The following SCAPER variants were observed in gnomAD, a reference collection of about 807,000 sequenced individuals.
SCAPER encodes the protein S-phase cyclin A associated protein in the ER, also known as S phase cyclin A-associated protein in the endoplasmic reticulum.
Under a neutral mutation model 182.2 loss-of-function variants are expected in SCAPER, and 98 were observed. The observed-to-expected ratio is 0.54, with a 90% confidence interval of 0.46 to 0.64. The LOEUF is 0.64. SCAPER is among the 30% of genes least tolerant of loss of function. The pLI is 0.00. For missense variants in SCAPER, 1,432 were observed against 1,690.0 expected, an observed-to-expected ratio of 0.85 and a Z score of 2.68; for synonymous variants, 605 against 564.6, an observed-to-expected ratio of 1.07 and a Z score of -1.01.
chr15:76,802,416 C>T (rs2065864762), intron 6 of SCAPER, among the ~76,000 whole-genome samples: 1 of 152,092 alleles, frequency 6.6e-6, no homozygotes, highest in African/African-American at 2.4e-5. Flanking sequence ...TTGGTTCAAC[C>T]CAGTGAAAGA....
intron 15 of SCAPER, among the ~76,000 whole-genome samples, chr15:76,737,452 T>C (rs1202375764): frequency 6.6e-6 from 1 of 152,258 alleles, no homozygotes; most frequent in Non-Finnish European, 1.5e-5. Context: ...ACAGATGTGC[T>C]GTCACGCCAG....
chr15:76,524,539 T>C (rs955839108), intron 23 of SCAPER, among the ~76,000 whole-genome samples: 3 of 152,200 alleles, frequency 2.0e-5, no homozygotes, highest in Middle Eastern at 3.4e-3. Flanking sequence ...ACTTAATATT[T>C]ACATCTTACT....
At chr15:76,427,692 T>TA (rs1341987068) in intron 26 of SCAPER, among the ~76,000 whole-genome samples, 1 of 151,732 alleles carries the variant, frequency 6.6e-6, no homozygotes, top group Admixed American at 6.6e-5. Flanking sequence ...TAAAAAAAAT[T>TA]AAAAAATTAG....
At chr15:76,458,441 T>C (rs1244516031) in intron 25 of SCAPER, among the ~76,000 whole-genome samples, 1 of 152,056 alleles carries the variant, frequency 6.6e-6, no homozygotes, top group Non-Finnish European at 1.5e-5. Flanking sequence ...TACACATATA[T>C]ACACACACCC....
At chr15:76,631,716 C>T (rs890548159) in intron 21 of SCAPER, among the ~76,000 whole-genome samples, 1 of 152,040 alleles carries the variant, frequency 6.6e-6, no homozygotes, top group African/African-American at 2.4e-5. Flanking sequence ...CTGCCCTTAA[C>T]ATATTTTCCT....
At chr15:76,790,329 G>T in intron 8 of SCAPER, among the ~76,000 whole-genome samples, 1 of 151,980 alleles carries the variant, frequency 6.6e-6, no homozygotes, top group East Asian at 1.9e-4. Flanking sequence ...TTAAAACATG[G>T]TCCTCTTTTT....
At chr15:76,706,442 C>T (rs1328505784) in intron 17 of SCAPER, among the ~76,000 whole-genome samples, 1 of 152,024 alleles carries the variant, frequency 6.6e-6, no homozygotes, top group East Asian at 1.9e-4. Flanking sequence ...AACTAATAAG[C>T]AAGGTGATTC....
At chr15:76,700,795 A>C (rs1024285620) in intron 20 of SCAPER, among the ~76,000 whole-genome samples, 14 of 152,218 alleles carry the variant, frequency 9.2e-5, no homozygotes, top group Non-Finnish European at 1.9e-4. Context: ...GCTTCACATA[A>C]ACAATAGGGA....
At chr15:76,760,476 A>T (rs1328652254) in intron 14 of SCAPER, among the ~76,000 whole-genome samples, 1 of 152,228 alleles carries the variant, frequency 6.6e-6, no homozygotes, top group Non-Finnish European at 1.5e-5. Flanking sequence ...CACATGTTTA[A>T]CAACCCAGAA....
intron 17 of SCAPER, among the ~76,000 whole-genome samples, chr15:76,719,237 A>G (rs911721778): frequency 6.6e-6 from 1 of 152,214 alleles, no homozygotes; most frequent in African/African-American, 2.4e-5. Flanking sequence ...CATTTGCCAC[A>G]ATATGGATGA....
intron 26 of SCAPER, among the ~76,000 whole-genome samples, chr15:76,432,299 G>A (rs2046922248): frequency 6.6e-6 from 1 of 152,228 alleles, no homozygotes; most frequent in South Asian, 2.1e-4. Context: ...AAGATAAATG[G>A]TTGTGGCCCA....
Position 76,775,024 on chromosome 15 carries a change from G to T in SCAPER, c.866C>A (p.Thr289Lys), listed in dbSNP as rs1468039007. ...TAVMPKVSLA[T>K]EATRSKDDSD... is the part of the protein sequence containing the mutation. ...GTCATCCTTTGATCTTGTGGCTTCTGTTGCCAATGAAACTTTTGGCATCAC... is the reference window on the plus strand; with the variant it reads ...GTCATCCTTTGATCTTGTGGCTTCTTTTGCCAATGAAACTTTTGGCATCAC... The change falls in exon 9 of 32, where the codon ACA (threonine) becomes AAA (lysine). Residue 289 changes from threonine (T) to lysine (K), a missense_variant. By Grantham distance (78) the Thr-to-Lys change is moderately conservative. Transcript: ENST00000563290. 1 of 1,613,636 alleles carries T rather than the reference G, an allele frequency of 6.2e-7. No individual in the cohort carries two copies. Among genetic ancestry groups the T allele is most frequent in the African/African-American group, 1.3e-5 (1 of 74,878 alleles).
At chr15:76,842,791 A>G (rs1177125930) in intron 4 of SCAPER, among the ~76,000 whole-genome samples, 3 of 152,204 alleles carry the variant, frequency 2.0e-5, no homozygotes, top group Non-Finnish European at 4.4e-5. Context: ...GAGTTGTTCA[A>G]GGTCACATTG....
chr15:76,727,918 C>T (rs894071068), intron 17 of SCAPER, among the ~76,000 whole-genome samples: 2 of 151,550 alleles, frequency 1.3e-5, no homozygotes, highest in African/African-American at 4.8e-5. Flanking sequence ...ATAAAAAAAC[C>T]CTGAACAGCT....
chr15:76,367,147 T>C (rs1278828401), intron 29 of SCAPER, among the ~76,000 whole-genome samples: 2 of 152,234 alleles, frequency 1.3e-5, no homozygotes, highest in East Asian at 1.9e-4. Context: ...GCTAACTCTT[T>C]ATACAGACAG....
At chr15:76,856,448 A>G (rs2071383989) in intron 4 of SCAPER, among the ~76,000 whole-genome samples, 1 of 151,502 alleles carries the variant, frequency 6.6e-6, no homozygotes, top group Non-Finnish European at 1.5e-5. Context: ...TAAGAAATAT[A>G]TACATGTATA....
intron 26 of SCAPER, among the ~76,000 whole-genome samples, chr15:76,422,678 G>C (rs2046128341): frequency 6.6e-6 from 1 of 151,626 alleles, no homozygotes; most frequent in South Asian, 2.1e-4. Flanking sequence ...TGGTGAGAGG[G>C]GGCATCCCTG....
At chr15:76,811,567 G>C (rs1038814311) in intron 5 of SCAPER, among the ~76,000 whole-genome samples, 1 of 152,156 alleles carries the variant, frequency 6.6e-6, no homozygotes, top group Non-Finnish European at 1.5e-5. Context: ...AAGGCTGGTG[G>C]ATCACCTGAA....
intron 19 of SCAPER, among the ~76,000 whole-genome samples, chr15:76,702,173 A>G (rs1003308994): frequency 7.1e-6 from 1 of 140,944 alleles, no homozygotes; most frequent in Non-Finnish European, 1.6e-5. Flanking sequence ...AAAACAAAAC[A>G]AAACAAAAAA....
Sources: gnomAD v4.1 joint callset for allele counts (sites outside exome capture counted in the v4.1 genomes callset) on GRCh38, gnomAD v4.1.1 for gene constraint, MANE v1.5 for transcripts, NCBI Gene and HGNC (gene_info 2026-07-23, HGNC 2026-07-21) for gene names.